KHDRBS2: variants seen among roughly 807,000 people sequenced by gnomAD.
The protein encoded by KHDRBS2 is KH RNA binding domain containing, signal transduction associated 2.
KHDRBS2 carries 26 observed loss-of-function variants against 44.3 expected under a neutral mutation model. The ratio of observed to expected loss-of-function variants is 0.59; its 90% CI spans 0.43 to 0.81. The LOEUF is 0.81. Ranked by LOEUF, KHDRBS2 falls within the 40% of genes least tolerant of loss-of-function variation. The pLI is 0.00. For synonymous variants in KHDRBS2, 194 were observed against 151.1 expected (o/e 1.28, Z -2.08); for missense variants, 476 against 433.1 (o/e 1.10, Z -0.88).
chr6:62,200,741 A>C (rs187587850), intron 1 of KHDRBS2, among the ~76,000 whole-genome samples: 59 of 152,294 alleles, frequency 3.9e-4, no homozygotes, highest in African/African-American at 1.3e-3. Context: ...CTGGGTATAT[A>C]CCCAAAGGAT....
chr6:61,672,416 A>T, the KHDRBS2 span, among the ~76,000 whole-genome samples: 48 of 152,138 alleles, frequency 3.2e-4, no homozygotes, highest in African/African-American at 1.1e-3. Flanking sequence ...CTGAGGAATC[A>T]CCACACTGAC....
chr6:61,868,088 C>G (rs1261564087), intron 6 of KHDRBS2, among the ~76,000 whole-genome samples: 2 of 152,080 alleles, frequency 1.3e-5, no homozygotes, highest in Non-Finnish European at 2.9e-5. Flanking sequence ...GCAGCCCACC[C>G]CGACCCCCAA....
intron 7 of KHDRBS2, 56 bp downstream of exon 7, chr6:61,732,626 A>G: frequency 9.9e-7 from 1 of 1,006,566 alleles, no homozygotes. Context: ...GATTCAAGAA[A>G]CAAAATTGAT....
At chr6:62,086,569 T>C (rs1798418780) in intron 2 of KHDRBS2, among the ~76,000 whole-genome samples, 1 of 152,084 alleles carries the variant, frequency 6.6e-6, no homozygotes, top group Non-Finnish European at 1.5e-5. Context: ...AGCAAATCCA[T>C]AACAAAACGA....
intron 2 of KHDRBS2, among the ~76,000 whole-genome samples, chr6:62,106,829 C>G (rs1406239164): frequency 6.6e-6 from 1 of 151,906 alleles, no homozygotes; most frequent in African/African-American, 2.4e-5. Flanking sequence ...TAAACAGAAC[C>G]AAAGACAAAA....
At chr6:61,923,586 C>A (rs955192060) in intron 4 of KHDRBS2, among the ~76,000 whole-genome samples, 1 of 151,846 alleles carries the variant, frequency 6.6e-6, no homozygotes, top group African/African-American at 2.4e-5. Context: ...ACATAATAAT[C>A]TCAATAGATG....
chr6:61,832,226 A>C (rs1337072220), intron 6 of KHDRBS2, among the ~76,000 whole-genome samples: 13 of 152,188 alleles, frequency 8.5e-5, no homozygotes, highest in Non-Finnish European at 2.9e-5. Context: ...AGAGCAAGAC[A>C]CTACCTCAAA....
rs149471062 is a variant in KHDRBS2, at chr6:62,216,368, G to A, written c.92-39056C>T. 8.1e-3 allele frequency among the ~76,000 whole-genome samples: 1,225 copies of A among 151,812 alleles called. 23 individuals carry two copies. Among genetic ancestry groups the A allele is most frequent in the African/African-American group, 0.028 (1,155 of 41,460 alleles). ...AACTAATAGTACAATGATTTCTTTC[G>A]TGGACCTCTAAAAGCTCTCAGCAGA... On this transcript the variant is annotated intron_variant, in intron 1 of 8. Transcript: ENST00000281156.
intron 2 of KHDRBS2, among the ~76,000 whole-genome samples, chr6:62,105,249 G>C (rs1175133557): frequency 6.6e-6 from 1 of 152,096 alleles, no homozygotes; most frequent in African/African-American, 2.4e-5. Flanking sequence ...GTTGAAGTAG[G>C]GCAAGAAACA....
intron 1 of KHDRBS2, among the ~76,000 whole-genome samples, chr6:62,252,923 G>T (rs891587104): frequency 6.6e-6 from 1 of 151,852 alleles, no homozygotes; most frequent in African/African-American, 2.4e-5. Flanking sequence ...TGTAAATTAT[G>T]ATCATAACTA....
intron 6 of KHDRBS2, among the ~76,000 whole-genome samples, chr6:61,810,599 T>G (rs1190237072): frequency 6.6e-6 from 1 of 151,958 alleles, no homozygotes; most frequent in African/African-American, 2.4e-5. Context: ...TGAAAAAAAA[T>G]ACTAATACTG....
intron 2 of KHDRBS2, among the ~76,000 whole-genome samples, chr6:62,114,499 T>TAA (rs1333369246): frequency 6.6e-6 from 1 of 152,046 alleles, no homozygotes; most frequent in Non-Finnish European, 1.5e-5. Flanking sequence ...TTATAAGGAG[T>TAA]ATTAAATAGA....
intron 1 of KHDRBS2, among the ~76,000 whole-genome samples, chr6:62,200,406 C>A (rs1465045390): frequency 2.0e-5 from 3 of 152,192 alleles, no homozygotes; most frequent in Middle Eastern, 3.4e-3. Flanking sequence ...ACAAACAACC[C>A]CATCAACAAG....
intron 3 of KHDRBS2, among the ~76,000 whole-genome samples, chr6:62,005,492 A>C (rs879484643): frequency 1.3e-5 from 2 of 151,958 alleles, no homozygotes; most frequent in Non-Finnish European, 2.9e-5. Flanking sequence ...TATCTCCTAG[A>C]ATATGAATTT....
At chr6:61,960,986 T>A (rs1768567456) in intron 4 of KHDRBS2, among the ~76,000 whole-genome samples, 2 of 152,066 alleles carry the variant, frequency 1.3e-5, no homozygotes, top group Non-Finnish European at 2.9e-5. Context: ...ACAATTGAAG[T>A]AGTGTTCAGT....
the KHDRBS2 span, among the ~76,000 whole-genome samples, chr6:61,562,557 T>C: frequency 6.6e-6 from 1 of 152,204 alleles, no homozygotes; most frequent in Non-Finnish European, 1.5e-5. Context: ...TTGAAATGTA[T>C]ATAAATCCTT....
intron 1 of KHDRBS2, among the ~76,000 whole-genome samples, chr6:62,208,006 G>T (rs1828316993): frequency 6.6e-6 from 1 of 151,966 alleles, no homozygotes; most frequent in African/African-American, 2.4e-5. Flanking sequence ...CTACACATCT[G>T]CTATTTTATA....
intron 2 of KHDRBS2, among the ~76,000 whole-genome samples, chr6:62,106,894 A>T (rs367679554): frequency 8.6e-5 from 13 of 151,010 alleles, no homozygotes; most frequent in South Asian, 2.1e-4. Context: ...ATTCAACAAC[A>T]CTTCATGCTA....
Position 62,277,856 on chromosome 6 carries a change from C to G in KHDRBS2, c.91+8002G>C, listed in dbSNP as rs115104449. On this transcript the variant is annotated intron_variant, in intron 1 of 8. Coordinates refer to ENST00000281156, the MANE Select transcript of KHDRBS2 (RefSeq NM_152688.4). ...CAAATGGAGGATGTGCTAAAAATGA[C>G]TTCTTTCCTCCAAAAAAGTTAATAA... Among the ~76,000 whole-genome samples, 1,220 of 152,262 alleles carry G rather than the reference C, an allele frequency of 8.0e-3. 17 individuals carry two copies. The highest frequency in any genetic ancestry group is 0.027 in the African/African-American group (1,139 of 41,536).
Sources: allele counts gnomAD v4.1 joint callset (sites outside exome capture counted in the v4.1 genomes callset), GRCh38; gene constraint gnomAD v4.1.1; transcripts MANE v1.5; gene names NCBI Gene and HGNC (gene_info 2026-07-23, HGNC 2026-07-21).